TIAM1: variants seen among roughly 807,000 people sequenced by gnomAD.
The protein encoded by TIAM1 is rho guanine nucleotide exchange factor TIAM1.
TIAM1 carries 65 observed loss-of-function variants against 163.5 expected under a neutral mutation model. The ratio of observed to expected loss-of-function variants is 0.40; its 90% CI spans 0.33 to 0.49. The LOEUF is 0.49. Among genes scored for constraint, TIAM1 ranks in the 20% least tolerant of loss-of-function variants. TIAM1 has a pLI of 0.77. For synonymous variants in TIAM1, 833 were observed against 810.1 expected, an observed-to-expected ratio of 1.03 and a Z score of -0.48; for missense variants, 1,789 against 2,044.7, an observed-to-expected ratio of 0.87 and a Z score of 2.41.
chr21:31,234,352 G>A (rs2088620170), intron 6 of TIAM1, among the ~76,000 whole-genome samples: 1 of 135,478 alleles, frequency 7.4e-6, no homozygotes, highest in African/African-American at 3.0e-5. Flanking sequence ...GGAAGGGAGA[G>A]AGGAGGTGGG....
chr21:31,126,348 C>A (rs2082198837), intron 26 of TIAM1, among the ~76,000 whole-genome samples: 1 of 152,082 alleles, frequency 6.6e-6, no homozygotes, highest in Non-Finnish European at 1.5e-5. Context: ...GCAGGCAGAC[C>A]ACGATGTCAG....
At chr21:31,537,740 A>G (rs1484623675) in intron 1 of TIAM1, among the ~76,000 whole-genome samples, 1 of 151,952 alleles carries the variant, frequency 6.6e-6, no homozygotes, top group Non-Finnish European at 1.5e-5. Context: ...CAACAGAGCA[A>G]GTCTATCTCC....
At chr21:31,440,232 GT>G (rs1164876134) in intron 2 of TIAM1, among the ~76,000 whole-genome samples, 4 of 152,182 alleles carry the variant, frequency 2.6e-5, no homozygotes, top group African/African-American at 9.7e-5. Flanking sequence ...GCAACTGAAG[GT>G]GTTAAGAAAT....
At chr21:31,135,049 C>G (rs1286168786) in intron 23 of TIAM1, among the ~76,000 whole-genome samples, 2 of 152,100 alleles carry the variant, frequency 1.3e-5, no homozygotes, top group African/African-American at 2.4e-5. Context: ...CCGTTCCCAG[C>G]AAGCCCACAA....
At chr21:31,433,076 T>C (rs2044097903) in intron 2 of TIAM1, among the ~76,000 whole-genome samples, 1 of 152,204 alleles carries the variant, frequency 6.6e-6, no homozygotes, top group Non-Finnish European at 1.5e-5. Flanking sequence ...TGTGTTCTCT[T>C]TTCAGTCTCT....
intron 6 of TIAM1, among the ~76,000 whole-genome samples, chr21:31,230,327 A>C (rs979994010): frequency 8.6e-4 from 131 of 152,144 alleles, no homozygotes; most frequent in African/African-American, 2.9e-3. Context: ...TTTTTCACAG[A>C]TGGAGGAAAA....
intron 2 of TIAM1, among the ~76,000 whole-genome samples, chr21:31,370,060 T>C (rs2076570527): frequency 6.6e-6 from 1 of 152,168 alleles, no homozygotes; most frequent in African/African-American, 2.4e-5. Context: ...AAGACAGTAG[T>C]CTATGAACCA....
intron 2 of TIAM1, among the ~76,000 whole-genome samples, chr21:31,417,260 G>A (rs1484983978): frequency 6.6e-6 from 1 of 152,154 alleles, no homozygotes; most frequent in Non-Finnish European, 1.5e-5. Flanking sequence ...GACCTCAGGT[G>A]ATCTGCCCAC....
chr21:31,262,367 A>G (rs896942482), intron 4 of TIAM1, among the ~76,000 whole-genome samples: 1 of 152,224 alleles, frequency 6.6e-6, no homozygotes, highest in Admixed American at 6.5e-5. Context: ...CATAAAGTTC[A>G]GGCCCAAAGA....
At chr21:31,454,553 G>A (rs2045013594) in intron 2 of TIAM1, among the ~76,000 whole-genome samples, 2 of 152,172 alleles carry the variant, frequency 1.3e-5, no homozygotes, top group Non-Finnish European at 2.9e-5. Context: ...ACCCAGCAGG[G>A]TGAGGAAGGG....
Position 31,217,592 on chromosome 21 carries a change from A to G in TIAM1, c.2103T>C (p.Thr701=). 3.1e-6 allele frequency: 5 copies of G among 1,614,024 alleles called. No individual in the cohort carries two copies. The highest frequency in any genetic ancestry group is 4.2e-6 in the Non-Finnish European group (5 of 1,179,966). The part of the protein sequence containing the change: ...SRFSSLWGLD[T]TSKKKQGRPS... ...GCCGTCCCTGCTTCTTTTTGGAGGT[A>G]GTATCCAGACCCCACAGAGAAGAAA... The change falls in exon 9 of 28, where the codon ACT becomes ACC. Residue 701 remains threonine (T), a synonymous_variant. Coordinates refer to ENST00000541036, the MANE Select transcript of TIAM1 (RefSeq NM_001353694.2).
chr21:31,353,462 C>G (rs1312467623), intron 2 of TIAM1, among the ~76,000 whole-genome samples: 1 of 152,134 alleles, frequency 6.6e-6, no homozygotes, highest in Non-Finnish European at 1.5e-5. Context: ...GCATTTCCCT[C>G]ATAAAACTAT....
intron 2 of TIAM1, among the ~76,000 whole-genome samples, chr21:31,337,563 G>A (rs1483803659): frequency 7.9e-6 from 1 of 126,312 alleles, no homozygotes; most frequent in East Asian, 1.9e-4. Flanking sequence ...ACAGAGTCTT[G>A]CTCTATTGCC....
chr21:31,513,905 G>C (rs921098248), intron 1 of TIAM1, among the ~76,000 whole-genome samples: 5 of 152,122 alleles, frequency 3.3e-5, no homozygotes, highest in Non-Finnish European at 5.9e-5. Context: ...TACTCCGGAG[G>C]CTCAGGCAGG....
In TIAM1 at chr21:31,266,151, T is replaced by C; in HGVS notation, c.822A>G (p.Pro274=). 1.2e-6 allele frequency: 2 copies of C among 1,614,212 alleles called. No homozygotes were observed. Among genetic ancestry groups the C allele is most frequent in the Non-Finnish European group, 1.7e-6 (2 of 1,180,048 alleles). ...IPNLANHKMP[P]AAAEETPPYS... ...ACGGAGGAGTCTCTTCAGCAGCAGC[T>C]GGTGGCATCTTATGGTTTGCAAGAT... The change falls in exon 4 of 28, where the codon CCA becomes CCG. Residue 274 remains proline (P), a synonymous_variant. Coordinates refer to ENST00000541036, the MANE Select transcript of TIAM1 (RefSeq NM_001353694.2).
chr21:31,353,121 G>C (rs1271031983), intron 2 of TIAM1, among the ~76,000 whole-genome samples: 1 of 152,078 alleles, frequency 6.6e-6, no homozygotes, highest in African/African-American at 2.4e-5. Flanking sequence ...CAGCAGTAGG[G>C]AACAGCTGCT....
intron 8 of TIAM1, 112 bp from the exon 9 acceptor site, chr21:31,217,811 GCCAACCCTGACC>G (rs1464642289): frequency 7.4e-7 from 1 of 1,346,192 alleles, no homozygotes; most frequent in Non-Finnish European, 1.0e-6. Context: ...CATCATGCCA[GCCAACCCTGACC>G]CCAATGCCTA....
At chr21:31,377,051 T>C (rs1442321522) in intron 2 of TIAM1, among the ~76,000 whole-genome samples, 2 of 146,938 alleles carry the variant, frequency 1.4e-5, no homozygotes, top group African/African-American at 5.0e-5. Flanking sequence ...TTTTTTTTTT[T>C]TTTTTTTAGT....
chr21:31,525,290 A>G (rs2047739797), intron 1 of TIAM1, among the ~76,000 whole-genome samples: 1 of 151,172 alleles, frequency 6.6e-6, no homozygotes, highest in Admixed American at 6.6e-5. Flanking sequence ...AATCACTTGA[A>G]CCCAGGAGGT....
Sources: allele counts gnomAD v4.1 joint callset (sites outside exome capture counted in the v4.1 genomes callset), GRCh38; gene constraint gnomAD v4.1.1; transcripts MANE v1.5; gene names NCBI Gene and HGNC (gene_info 2026-07-23, HGNC 2026-07-21).